ACTR3C: variants seen among roughly 807,000 people sequenced by gnomAD.
ACTR3C encodes actin related protein 3C.
Under a neutral mutation model 26.3 loss-of-function variants are expected in ACTR3C, and 18 were observed. That is an observed-to-expected ratio of 0.68 (90% CI 0.47 to 1.01). ACTR3C has a LOEUF of 1.01. Ranked by LOEUF, ACTR3C falls within the 50% of genes least tolerant of loss-of-function variation. ACTR3C has a pLI of 0.00. For synonymous variants in ACTR3C, 55 were observed against 94.5 expected, an observed-to-expected ratio of 0.58 and a Z score of 2.42; for missense variants, 184 against 250.7, an observed-to-expected ratio of 0.73 and a Z score of 1.80.
At chr7:150,175,815 C>CA in the ACTR3C span, among the ~76,000 whole-genome samples, 2,797 of 46,256 alleles carry the variant, frequency 0.06, 60 homozygotes, top group East Asian at 0.1. Flanking sequence ...TCCATCTGAA[C>CA]AAAAAAAAAA....
the ACTR3C span, among the ~76,000 whole-genome samples, chr7:150,042,380 A>C: frequency 6.9e-4 from 70 of 100,896 alleles, 2 homozygotes; most frequent in East Asian, 0.016. Flanking sequence ...TCCTAAGAGC[A>C]AAGGGGGGAA....
At chr7:150,235,283 CACA>C in the ACTR3C span, among the ~76,000 whole-genome samples, 4 of 152,288 alleles carry the variant, frequency 2.6e-5, no homozygotes, top group Non-Finnish European at 5.9e-5. Flanking sequence ...CAATAGATTA[CACA>C]ACGTTAGGCT....
the ACTR3C span, among the ~76,000 whole-genome samples, chr7:150,023,826 C>T: frequency 2.1e-5 from 3 of 142,850 alleles, no homozygotes; most frequent in South Asian, 2.3e-4. Context: ...CTGGTGGGCA[C>T]GGCCGACACT....
the ACTR3C span, among the ~76,000 whole-genome samples, chr7:149,990,904 A>G: frequency 4.6e-5 from 7 of 152,340 alleles, no homozygotes; most frequent in Admixed American, 2.0e-4. Context: ...CACATGAGGG[A>G]CAAGCCAAAA....
the ACTR3C span, among the ~76,000 whole-genome samples, chr7:149,991,482 A>C: frequency 3.9e-5 from 6 of 152,338 alleles, no homozygotes; most frequent in African/African-American, 9.6e-5. Context: ...ACACAGGCTC[A>C]GCAGTGAGCA....
chr7:149,933,605 CA>C, the ACTR3C span, among the ~76,000 whole-genome samples: 1 of 152,312 alleles, frequency 6.6e-6, no homozygotes, highest in African/African-American at 2.4e-5. Context: ...AATTGAAGTA[CA>C]AACCCCAAAC....
At chr7:149,993,762 G>C in the ACTR3C span, among the ~76,000 whole-genome samples, 1 of 152,144 alleles carries the variant, frequency 6.6e-6, no homozygotes, top group Non-Finnish European at 1.5e-5. Context: ...GAGAACACAG[G>C]CTCCACAAGG....
chr7:150,195,107 G>GTGTATA, the ACTR3C span, among the ~76,000 whole-genome samples: 2 of 138,490 alleles, frequency 1.4e-5, no homozygotes, highest in African/African-American at 5.2e-5. Flanking sequence ...ATACATATAT[G>GTGTATA]TATATATATA....
At chr7:150,309,230 C>G (rs1297530676) in intron 1 of ACTR3C, among the ~76,000 whole-genome samples, 3 of 152,174 alleles carry the variant, frequency 2.0e-5, no homozygotes, top group Admixed American at 2.0e-4. Flanking sequence ...TTATGACAAG[C>G]TTAAAGAAGC....
the ACTR3C span, among the ~76,000 whole-genome samples, chr7:150,219,630 C>G: frequency 7.3e-6 from 1 of 137,250 alleles, no homozygotes; most frequent in Non-Finnish European, 1.5e-5. Flanking sequence ...AAACATTTCC[C>G]AAGTCCCTCA....
At chr7:150,010,223 A>G in the ACTR3C span, among the ~76,000 whole-genome samples, 5 of 152,176 alleles carry the variant, frequency 3.3e-5, no homozygotes, top group Non-Finnish European at 5.9e-5. Context: ...GTGAGCACCT[A>G]CTGACACTTT....
the ACTR3C span, among the ~76,000 whole-genome samples, chr7:149,906,094 T>C: frequency 6.6e-6 from 1 of 152,184 alleles, no homozygotes; most frequent in Non-Finnish European, 1.5e-5. Flanking sequence ...CACTGATACA[T>C]GACAAAAACA....
chr7:150,073,446 G>A, the ACTR3C span, among the ~76,000 whole-genome samples: 1 of 150,128 alleles, frequency 6.7e-6, no homozygotes, highest in Non-Finnish European at 1.5e-5. Context: ...TTCCTGGTGG[G>A]AAGTGAGCTA....
At chr7:150,003,947 GTGT>G in the ACTR3C span, among the ~76,000 whole-genome samples, 1 of 151,652 alleles carries the variant, frequency 6.6e-6, no homozygotes, top group Non-Finnish European at 1.5e-5. Flanking sequence ...GGCATGTGGT[GTGT>G]TATGTGCTAT....
In ACTR3C at chr7:150,311,232, C is replaced by T. The variant is rs978202391; in HGVS notation, c.-52+12237G>A. On this transcript the variant is annotated intron_variant, in intron 1 of 7. Transcript: ENST00000683684. ...ACTGGCACTCCTTGACTCATCTCAACCTTTTTCCGTCCACACAGCTGAAAT... is the reference window on the plus strand; with the variant it reads ...ACTGGCACTCCTTGACTCATCTCAATCTTTTTCCGTCCACACAGCTGAAAT... Among the ~76,000 whole-genome samples, 6 of 152,236 alleles carry T rather than the reference C, an allele frequency of 3.9e-5. No individual in the cohort carries two copies. The East Asian group carries it at 5.8e-4, about 15-fold the overall frequency.
the ACTR3C span, among the ~76,000 whole-genome samples, chr7:150,118,940 TAAAA>T: frequency 1.6e-4 from 23 of 141,038 alleles, no homozygotes; most frequent in Non-Finnish European, 3.1e-4. Flanking sequence ...TCAACATTCT[TAAAA>T]AAAAAAAAAA....
chr7:150,051,537 C>T, the ACTR3C span, among the ~76,000 whole-genome samples: 1 of 137,504 alleles, frequency 7.3e-6, no homozygotes, highest in African/African-American at 2.6e-5. Context: ...TACACTGTGG[C>T]GATGAAGCAG....
chr7:150,043,087 G>T, the ACTR3C span, among the ~76,000 whole-genome samples: 4 of 151,418 alleles, frequency 2.6e-5, no homozygotes, highest in Admixed American at 6.6e-5. Context: ...CCTGCCTTCT[G>T]CCCTTAAGCT....
chr7:150,311,248 C>G (rs1231695843), intron 1 of ACTR3C, among the ~76,000 whole-genome samples: 2 of 152,204 alleles, frequency 1.3e-5, no homozygotes, highest in Non-Finnish European at 2.9e-5. Flanking sequence ...TCCGTCCACA[C>G]AGCTGAAATA....
Sources: gnomAD v4.1 joint callset for allele counts (sites outside exome capture counted in the v4.1 genomes callset) on GRCh38, gnomAD v4.1.1 for gene constraint, MANE v1.5 for transcripts, NCBI Gene and HGNC (gene_info 2026-07-23, HGNC 2026-07-21) for gene names.